SEPHS1: variants seen among roughly 807,000 people sequenced by gnomAD.
The protein encoded by SEPHS1 is selenophosphate synthetase 1.
A neutral mutation model predicts 39.2 loss-of-function variants in SEPHS1; 7 were observed. That is an observed-to-expected ratio of 0.18 (90% CI 0.10 to 0.34). The LOEUF is 0.34. SEPHS1 is among the 10% of genes least tolerant of loss of function. SEPHS1 has a pLI of 1.00. For synonymous variants in SEPHS1, 190 were observed against 195.5 expected (o/e 0.97, Z 0.23); for missense variants, 253 against 514.5 (o/e 0.49, Z 4.92).
intron 5 of SEPHS1, among the ~76,000 whole-genome samples, chr10:13,333,496 AG>A (rs1333294249): frequency 1.3e-5 from 2 of 151,256 alleles, no homozygotes; most frequent in Non-Finnish European, 2.9e-5. Flanking sequence ...GCTAGAGTGC[AG>A]GGGCATGATC....
intron 2 of SEPHS1, among the ~76,000 whole-genome samples, chr10:13,339,293 T>C (rs139003122): frequency 1.6e-4 from 25 of 152,284 alleles, no homozygotes; most frequent in Admixed American, 4.6e-4. Context: ...TTATTACTTA[T>C]ACATTTTAGT....
chr10:13,333,625 G>T (rs1833534255), intron 5 of SEPHS1, among the ~76,000 whole-genome samples, 192 bp downstream of exon 5: 1 of 151,948 alleles, frequency 6.6e-6, no homozygotes, highest in Non-Finnish European at 1.5e-5. Flanking sequence ...ATTTTTAGTA[G>T]AGACAGGGTT....
chr10:13,346,807 G>C (rs1269503494), intron 1 of SEPHS1, among the ~76,000 whole-genome samples: 1 of 152,106 alleles, frequency 6.6e-6, no homozygotes, highest in Admixed American at 6.5e-5. Flanking sequence ...CTCCCAAAAA[G>C]GTGGGGAGGG....
intron 7 of SEPHS1, among the ~76,000 whole-genome samples, chr10:13,325,938 CTCAGTCTCAAAAAAAAAAAAAAAAAAT>C (rs1833262413): frequency 4.1e-5 from 1 of 24,676 alleles, no homozygotes; most frequent in Non-Finnish European, 6.5e-5. Flanking sequence ...AAAAAAGAGA[CTCAGTCTCAAAAAAAAAAAAAAAAAAT>C]AATAATAATA....
At chr10:13,327,216 G>T (rs980679734) in intron 7 of SEPHS1, among the ~76,000 whole-genome samples, 1 of 137,768 alleles carries the variant, frequency 7.3e-6, no homozygotes, top group Non-Finnish European at 1.5e-5. Flanking sequence ...ACTCCAGCCT[G>T]GGCGACAGAG....
chr10:13,327,495 T>A (rs1231242609), intron 7 of SEPHS1, among the ~76,000 whole-genome samples: 1 of 152,216 alleles, frequency 6.6e-6, no homozygotes, highest in Non-Finnish European at 1.5e-5. Context: ...CTTTTTTCTG[T>A]ACTATTTTCC....
chr10:13,327,729 T>C (rs960854287), intron 7 of SEPHS1, among the ~76,000 whole-genome samples: 1 of 152,118 alleles, frequency 6.6e-6, no homozygotes, highest in African/African-American at 2.4e-5. Context: ...AGGAAGTCCA[T>C]AGCAGTCGCC....
At chr10:13,330,787 T>C (rs766923586) in intron 5 of SEPHS1, among the ~76,000 whole-genome samples, 4 of 152,150 alleles carry the variant, frequency 2.6e-5, no homozygotes, top group Non-Finnish European at 5.9e-5. Flanking sequence ...GACATAAATG[T>C]CTTCGAATTC....
chr10:13,335,266 C>A (rs1316793072), intron 4 of SEPHS1, among the ~76,000 whole-genome samples: 1 of 152,238 alleles, frequency 6.6e-6, no homozygotes, highest in Non-Finnish European at 1.5e-5. Context: ...CACGACATCC[C>A]CAGCCACAGC....
chr10:13,319,062 G>A lies in SEPHS1; in HGVS notation c.*80C>T. The stretch of plus-strand genomic sequence containing the variant: ...GATGTGTAGACACAATGAGATTTTT[G>A]TTGTTTATAGTCTTTAATTGAAGTG... On this transcript the variant is annotated 3_prime_UTR_variant, in exon 9 of 9. Coordinates refer to ENST00000327347, the MANE Select transcript of SEPHS1 (RefSeq NM_012247.5). 1 of 1,399,212 alleles carries A rather than the reference G, an allele frequency of 7.1e-7. No homozygotes were observed. Among genetic ancestry groups the A allele is most frequent in the Non-Finnish European group, 1.0e-6 (1 of 1,003,042 alleles). The allele number at this position is 1,399,212 out of a possible 1,614,324, so 86.7% of individuals were successfully genotyped here. A position where few individuals can be genotyped will look rare whatever the true frequency, so the allele number is the denominator to read the frequency against.
At chr10:13,336,616 T>C (rs1007676009) in intron 3 of SEPHS1, among the ~76,000 whole-genome samples, 2 of 152,228 alleles carry the variant, frequency 1.3e-5, no homozygotes, top group Admixed American at 6.5e-5. Flanking sequence ...TTCTCCATTC[T>C]AAATTTTAGA....
intron 2 of SEPHS1, among the ~76,000 whole-genome samples, chr10:13,339,986 A>G (rs181408851): frequency 5.1e-4 from 78 of 152,322 alleles, no homozygotes; most frequent in Admixed American, 1.2e-3. Flanking sequence ...AAAAGCAGGG[A>G]AAAAGCCAGA....
In SEPHS1 at chr10:13,322,829, C is replaced by T. The variant is rs1433130099; in HGVS notation, c.964+6G>A. ...TTAGTCCTCAGATGCGCCCAGCATC[C>T]TGTACCTGAAGTCTCCGGGCAGGTC... is the stretch of plus-strand genomic sequence containing the variant. On this transcript the variant is annotated splice_donor_region_variant and intron_variant, in intron 8 of 8. Coordinates refer to ENST00000327347, the MANE Select transcript of SEPHS1 (RefSeq NM_012247.5). 1 of 1,612,300 alleles carries T rather than the reference C, an allele frequency of 6.2e-7. No homozygotes were observed. Among genetic ancestry groups the T allele is most frequent in the East Asian group, 2.2e-5 (1 of 44,864 alleles).
chr10:13,320,610 C>A (rs529535005), intron 8 of SEPHS1, among the ~76,000 whole-genome samples: 1 of 151,616 alleles, frequency 6.6e-6, no homozygotes, highest in Non-Finnish European at 1.5e-5. Context: ...GAGGCCGAGG[C>A]GGGTGGATCA....
chr10:13,324,213 T>C (rs1273597811), intron 7 of SEPHS1, among the ~76,000 whole-genome samples: 1 of 152,210 alleles, frequency 6.6e-6, no homozygotes, highest in Non-Finnish European at 1.5e-5. Context: ...TTTCACTTAG[T>C]AATATGCACT....
chr10:13,328,774 C>G (rs1047386213), intron 6 of SEPHS1, among the ~76,000 whole-genome samples: 2 of 152,192 alleles, frequency 1.3e-5, no homozygotes, highest in Admixed American at 6.5e-5. Context: ...AGGGCTCCCC[C>G]ATCCGTGACA....
intron 8 of SEPHS1, among the ~76,000 whole-genome samples, chr10:13,320,962 G>A (rs924591154): frequency 1.2e-4 from 18 of 152,188 alleles, no homozygotes; most frequent in African/African-American, 3.9e-4. Context: ...TGAACCAGCA[G>A]GGGAAAAAAA....
At chr10:13,325,864 C>T (rs1383254905) in intron 7 of SEPHS1, among the ~76,000 whole-genome samples, 1 of 114,136 alleles carries the variant, frequency 8.8e-6, no homozygotes, top group African/African-American at 3.4e-5. Flanking sequence ...CCCCACTGCA[C>T]TCCAGCCTGG....
intron 2 of SEPHS1, among the ~76,000 whole-genome samples, chr10:13,341,897 C>T (rs975844657): frequency 6.6e-6 from 1 of 150,802 alleles, no homozygotes; most frequent in East Asian, 2.0e-4. Flanking sequence ...GGGCCTTGAA[C>T]CCGGGAGGCA....
Sources: allele counts gnomAD v4.1 joint callset (sites outside exome capture counted in the v4.1 genomes callset), GRCh38; gene constraint gnomAD v4.1.1; transcripts MANE v1.5; gene names NCBI Gene and HGNC (gene_info 2026-07-23, HGNC 2026-07-21).